JHY: variants seen among roughly 807,000 people sequenced by gnomAD.
JHY encodes the protein jhy protein homolog.
A neutral mutation model predicts 78.0 loss-of-function variants in JHY; 69 were observed. The ratio of observed to expected loss-of-function variants is 0.88; its 90% CI spans 0.73 to 1.08. The LOEUF is 1.08. Among genes scored for constraint, JHY ranks in the 50% least tolerant of loss-of-function variants. JHY has a pLI of 0.00. For synonymous variants in JHY, 368 were observed against 342.6 expected, an observed-to-expected ratio of 1.07 and a Z score of -0.82; for missense variants, 944 against 927.8, an observed-to-expected ratio of 1.02 and a Z score of -0.23.
At chr11:122,913,380 T>C (rs771349880) in intron 3 of JHY, among the ~76,000 whole-genome samples, 1 of 152,250 alleles carries the variant, frequency 6.6e-6, no homozygotes, top group Non-Finnish European at 1.5e-5. Context: ...TACAATTTCA[T>C]AGGGTAATTC....
intron 3 of JHY, among the ~76,000 whole-genome samples, chr11:122,915,669 T>A (rs2135326328): frequency 6.6e-6 from 1 of 152,186 alleles, no homozygotes; most frequent in East Asian, 1.9e-4. Flanking sequence ...CCCGCCACCA[T>A]GCCTGGCTAA....
At position 122,885,999 on chromosome 11, in the gene JHY, C is replaced by T; in HGVS notation, c.150C>T (p.Leu50=). 1 of 1,614,148 alleles carries T rather than the reference C, an allele frequency of 6.2e-7. No homozygotes were observed. Among genetic ancestry groups the T allele is most frequent in the African/African-American group, 1.3e-5 (1 of 75,012 alleles). Residue 50 remains leucine (L), a synonymous_variant, in exon 2 of 9, where the codon CTC becomes CTT. Transcript: ENST00000227349. ...KDSLESDSES[L]TQEIMCHSEF... is the part of the protein sequence containing the mutation. ...CCTTGGAATCTGATTCAGAAAGCCT[C>T]ACGCAAGAGATTATGTGCCATTCTG...
At chr11:122,913,123 ACT>A (rs889278138) in intron 3 of JHY, among the ~76,000 whole-genome samples, 5 of 151,926 alleles carry the variant, frequency 3.3e-5, no homozygotes, top group Non-Finnish European at 5.9e-5. Context: ...CGATGGTGAG[ACT>A]CTCAAAAGAC....
chr11:122,957,031 G>A (rs1864207867), intron 7 of JHY, among the ~76,000 whole-genome samples: 1 of 152,058 alleles, frequency 6.6e-6, no homozygotes, highest in Non-Finnish European at 1.5e-5. Flanking sequence ...TTGCACTCAA[G>A]GCATAAAAAG....
At chr11:122,923,497 A>G (rs960751670) in intron 3 of JHY, among the ~76,000 whole-genome samples, 1 of 152,140 alleles carries the variant, frequency 6.6e-6, no homozygotes, top group African/African-American at 2.4e-5. Flanking sequence ...AGATTGCATA[A>G]CTTTAAGTTT....
chr11:122,886,590 T>A (rs1035926503), intron 2 of JHY, among the ~76,000 whole-genome samples: 25 of 152,136 alleles, frequency 1.6e-4, no homozygotes, highest in Non-Finnish European at 2.5e-4. Context: ...CTCTTTTTTT[T>A]ATTTTTTTAA....
chr11:122,940,870 CCTCT>C (rs949337808), intron 5 of JHY, among the ~76,000 whole-genome samples: 32 of 150,516 alleles, frequency 2.1e-4, no homozygotes, highest in Non-Finnish European at 4.3e-4. Flanking sequence ...TCTCTCTCTC[CCTCT>C]CTCTCTAGTA....
chr11:122,920,936 C>T (rs1030913882), intron 3 of JHY, among the ~76,000 whole-genome samples: 1 of 151,792 alleles, frequency 6.6e-6, no homozygotes. Flanking sequence ...AATTATAGGC[C>T]CCAATTTAAC....
At position 122,883,686 on chromosome 11, in the gene JHY, C is replaced by A. The variant is rs1326168640; in HGVS notation, c.-90+714C>A. On this transcript the variant is annotated intron_variant, in intron 1 of 8. Transcript: ENST00000227349. The surrounding 1 kb of genome is among the most constrained non-coding windows in gnomAD (Gnocchi z 4.4). ...GCTGTCAGCTGTTCCTTCTTCCACC[C>A]CATGTTTTGGTAAGATCAGGCCTCC... is the stretch of plus-strand genomic sequence containing the variant. Among the ~76,000 whole-genome samples the A allele has an allele frequency of 1.3e-5, 2 of 152,292 alleles. No homozygotes were observed. Among genetic ancestry groups the A allele is most frequent in the South Asian group, 2.1e-4 (1 of 4,824 alleles).
intron 6 of JHY, among the ~76,000 whole-genome samples, chr11:122,949,879 C>T (rs1179401919): frequency 6.6e-6 from 1 of 151,530 alleles, no homozygotes; most frequent in African/African-American, 2.4e-5. Flanking sequence ...CTTCATCGCC[C>T]AGGCTGGTGT....
chr11:122,916,049 G>T (rs1436504015), intron 3 of JHY, among the ~76,000 whole-genome samples: 2 of 151,988 alleles, frequency 1.3e-5, no homozygotes, highest in Non-Finnish European at 1.5e-5. Flanking sequence ...GGGTAGGGAA[G>T]ATGAAGAGAG....
intron 2 of JHY, among the ~76,000 whole-genome samples, chr11:122,897,503 A>G (rs1862762844): frequency 6.6e-6 from 1 of 152,194 alleles, no homozygotes; most frequent in Non-Finnish European, 1.5e-5. Context: ...AAATTCTGGG[A>G]CTACAAGCAT....
At chr11:122,921,882 G>C (rs941869733) in intron 3 of JHY, among the ~76,000 whole-genome samples, 1 of 152,186 alleles carries the variant, frequency 6.6e-6, no homozygotes, top group Non-Finnish European at 1.5e-5. Flanking sequence ...AACTTGGAAG[G>C]CTGAGGCAGG....
At chr11:122,939,130 G>GACGCCCATCACCACGC (rs1863818134) in intron 5 of JHY, among the ~76,000 whole-genome samples, 1 of 152,020 alleles carries the variant, frequency 6.6e-6, no homozygotes, top group African/African-American at 2.4e-5. Flanking sequence ...TGGGACTACA[G>GACGCCCATCACCACGC]ACGCCCATCA....
intron 2 of JHY, among the ~76,000 whole-genome samples, chr11:122,890,514 A>G (rs371468985): frequency 2.0e-5 from 3 of 152,270 alleles, no homozygotes; most frequent in African/African-American, 7.2e-5. Context: ...CATCTGTTGC[A>G]ATGGATAGGT....
At position 122,963,515 on chromosome 11, in the gene JHY, C is replaced by T. The variant is rs759246686; in HGVS notation, c.*4070C>T. On this transcript the variant is annotated 3_prime_UTR_variant, in exon 9 of 9. Coordinates refer to ENST00000227349, the MANE Select transcript of JHY (RefSeq NM_024806.4). ...CACGTCATCTCACAATAGTGAAATA[C>T]AGCAGAATGTCACTAAACTACCATA... Among the ~76,000 whole-genome samples the T allele has an allele frequency of 1.3e-5, 2 of 152,158 alleles. No homozygotes were observed. The highest frequency in any genetic ancestry group is 2.4e-5 in the African/African-American group (1 of 41,438).
Position 122,904,559 on chromosome 11 carries a change from C to G in JHY, c.864+115C>G. The G allele has an allele frequency of 5.8e-6, 7 of 1,209,528 alleles. No individual in the cohort carries two copies. The South Asian group carries it at 9.1e-5, about 16-fold the overall frequency. 74.9% of individuals were successfully genotyped at this position (1,209,528 alleles called of 1,614,324 possible). A position where few individuals can be genotyped will look rare whatever the true frequency, so the allele number is the denominator to read the frequency against. On this transcript the variant is annotated intron_variant, in intron 3 of 8. Transcript: ENST00000227349. Reference sequence around the variant, plus strand: ...TGACGATGTCATAGCAGCCACCTAGCTGGGTAAAACAAACGCTTCCATAGG... The same window carrying G: ...TGACGATGTCATAGCAGCCACCTAGGTGGGTAAAACAAACGCTTCCATAGG...
At chr11:122,926,187 C>CA (rs574945272) in intron 4 of JHY, among the ~76,000 whole-genome samples, 5,531 of 39,436 alleles carry the variant, frequency 0.14, 399 homozygotes, top group African/African-American at 0.26. Flanking sequence ...GACTCCATCT[C>CA]AAAAAAAAAA....
chr11:122,937,793 ATTTTGATAGAG>A (rs1863789374), intron 5 of JHY, among the ~76,000 whole-genome samples: 1 of 151,906 alleles, frequency 6.6e-6, no homozygotes, highest in Non-Finnish European at 1.5e-5. Flanking sequence ...TTCGTCTCTA[ATTTTGATAGAG>A]AACATCCTCC....
Sources: gnomAD v4.1 joint callset for allele counts (sites outside exome capture counted in the v4.1 genomes callset) on GRCh38, gnomAD v4.1.1 for gene constraint, Gnocchi (gnomAD v3.1) non-coding constraint, MANE v1.5 for transcripts, NCBI Gene and HGNC (gene_info 2026-07-23, HGNC 2026-07-21) for gene names.